GPHN: variants seen among roughly 807,000 people sequenced by gnomAD.
The protein encoded by GPHN is gephyrin.
Under a neutral mutation model 95.5 loss-of-function variants are expected in GPHN, and 17 were observed. That is an observed-to-expected ratio of 0.18 (90% CI 0.12 to 0.27). GPHN has a LOEUF of 0.27. GPHN is among the 10% of genes least tolerant of loss of function. The pLI is 1.00. For synonymous variants in GPHN, 320 were observed against 322.5 expected (o/e 0.99, Z 0.08); for missense variants, 660 against 978.1 (o/e 0.67, Z 4.34).
At chr14:67,620,528 T>G in the GPHN span, among the ~76,000 whole-genome samples, 1 of 152,020 alleles carries the variant, frequency 6.6e-6, no homozygotes, top group East Asian at 1.9e-4. Context: ...GAATGAGCAT[T>G]AACTGGGAGG....
the GPHN span, among the ~76,000 whole-genome samples, chr14:67,704,052 A>G: frequency 4.6e-5 from 7 of 152,262 alleles, no homozygotes; most frequent in Admixed American, 4.6e-4. Flanking sequence ...TTGGATTCGT[A>G]TTTTTATGAT....
intron 9 of GPHN, chr14:66,969,378 G>A (rs888944827): frequency 2.6e-5 from 4 of 152,172 alleles, no homozygotes; most frequent in African/African-American, 9.7e-5. Context: ...AATAATGATA[G>A]TCTTCTAAAA....
the GPHN span, among the ~76,000 whole-genome samples, chr14:67,522,220 C>T: frequency 6.6e-6 from 1 of 152,078 alleles, no homozygotes; most frequent in Non-Finnish European, 1.5e-5. Context: ...GGGGATTGTG[C>T]GGGAGAGCCC....
intron 8 of GPHN, among the ~76,000 whole-genome samples, chr14:66,934,215 T>G (rs193047992): frequency 3.5e-4 from 53 of 150,370 alleles, no homozygotes; most frequent in Admixed American, 3.3e-3. Context: ...CCTTCCTAAC[T>G]CAGTTATCTA....
At chr14:67,330,867 A>T in the GPHN span, among the ~76,000 whole-genome samples, 1 of 152,248 alleles carries the variant, frequency 6.6e-6, no homozygotes, top group Non-Finnish European at 1.5e-5. Flanking sequence ...CCAGGTGGTC[A>T]GACCCTGAAA....
In GPHN at chr14:67,058,663, G is replaced by A. The variant is rs750964414; in HGVS notation, c.1021G>A (p.Asp341Asn). ...NILRASHSAV[D>N]ITKVARRHRM... ...TTACTGTTTAGGTCACAGTGCTGTC[G>A]ATATCACCAAGGTGGCTAGAAGACA... The change falls in exon 11 of 23, where the codon GAT becomes AAT. Residue 341 changes from aspartate to asparagine, a missense_variant. By Grantham distance (23) the Asp-to-Asn change is conservative. This residue lies in a region of GPHN where 190 missense variants were observed against 224.7 expected (regional missense o/e 0.85). Transcript: ENST00000478722. 3.7e-6 allele frequency: 6 copies of A among 1,613,142 alleles called. No individual in the cohort carries two copies. Among genetic ancestry groups the A allele is most frequent in the South Asian group, 2.2e-5 (2 of 91,044 alleles).
the GPHN span, among the ~76,000 whole-genome samples, chr14:67,574,584 G>A: frequency 6.6e-6 from 1 of 152,206 alleles, no homozygotes; most frequent in Non-Finnish European, 1.5e-5. This position sits in a 1 kb window ranked among gnomAD's most constrained non-coding sequence, Gnocchi z 4.2. Flanking sequence ...GATGGCGAGT[G>A]ATTCCCCGGA....
the GPHN span, chr14:67,594,074 G>A: frequency 1.5e-6 from 1 of 654,486 alleles, no homozygotes; most frequent in Non-Finnish European, 2.7e-6. Context: ...AAGGTGCTAT[G>A]AAAGTATACA....
chr14:66,916,554 A>C (rs1197722778), intron 6 of GPHN, among the ~76,000 whole-genome samples: 5 of 125,326 alleles, frequency 4.0e-5, no homozygotes, highest in Admixed American at 1.0e-4. Flanking sequence ...TATTTTGCCC[A>C]TGTGAATGAC....
At chr14:66,800,228 G>A (rs914278097) in intron 3 of GPHN, among the ~76,000 whole-genome samples, 1 of 151,958 alleles carries the variant, frequency 6.6e-6, no homozygotes, top group African/African-American at 2.4e-5. Flanking sequence ...CTTAAGATAA[G>A]AATAGTCTGC....
At chr14:67,406,499 A>G in the GPHN span, among the ~76,000 whole-genome samples, 2 of 152,190 alleles carry the variant, frequency 1.3e-5, no homozygotes, top group East Asian at 1.9e-4. Context: ...CCGTGGTTCT[A>G]TATGGCTTGG....
At chr14:66,637,528 T>C (rs955137815) in intron 1 of GPHN, among the ~76,000 whole-genome samples, 2 of 152,148 alleles carry the variant, frequency 1.3e-5, no homozygotes, top group African/African-American at 4.8e-5. Flanking sequence ...TAATGCATAC[T>C]AGAGACTTTT....
the GPHN span, among the ~76,000 whole-genome samples, chr14:67,517,693 C>A: frequency 6.6e-6 from 1 of 152,140 alleles, no homozygotes; most frequent in African/African-American, 2.4e-5. Context: ...GGGATCATTT[C>A]TTCCCAAAAA....
At chr14:66,530,731 TG>T (rs571867057) in intron 1 of GPHN, among the ~76,000 whole-genome samples, 100 of 152,198 alleles carry the variant, frequency 6.6e-4, no homozygotes, top group South Asian at 4.8e-3. Flanking sequence ...TGACCCTTTG[TG>T]CTTCCTGGGT....
the GPHN span, chr14:67,735,205 C>G: frequency 1.4e-6 from 2 of 1,456,064 alleles, no homozygotes; most frequent in Admixed American, 1.7e-5. Context: ...ATTCCAGACT[C>G]CATCATTTCT....
chr14:67,350,973 T>C, the GPHN span, among the ~76,000 whole-genome samples: 1 of 152,220 alleles, frequency 6.6e-6, no homozygotes, highest in African/African-American at 2.4e-5. Flanking sequence ...AATGGGTACA[T>C]GCTGATTTAC....
chr14:67,297,007 T>C, the GPHN span, among the ~76,000 whole-genome samples: 1 of 152,258 alleles, frequency 6.6e-6, no homozygotes, highest in African/African-American at 2.4e-5. Flanking sequence ...TCAGTACTTT[T>C]TCTTTGTTGA....
chr14:66,795,123 C>T (rs976675333), intron 3 of GPHN, among the ~76,000 whole-genome samples: 2 of 152,248 alleles, frequency 1.3e-5, no homozygotes, highest in South Asian at 4.1e-4. Context: ...TAGAGAGGCA[C>T]ACTATCTTAC....
the GPHN span, among the ~76,000 whole-genome samples, chr14:67,195,988 G>A: frequency 6.6e-6 from 1 of 152,148 alleles, no homozygotes; most frequent in African/African-American, 2.4e-5. Context: ...GTTTCGCCAT[G>A]TTGGCCAGGC....
Sources: allele counts gnomAD v4.1 joint callset (sites outside exome capture counted in the v4.1 genomes callset), GRCh38; gene constraint gnomAD v4.1.1; regional missense constraint gnomAD v4.1.1; non-coding constraint Gnocchi (gnomAD v3.1); transcripts MANE v1.5; gene names NCBI Gene and HGNC (gene_info 2026-07-23, HGNC 2026-07-21).